P3H2: variants seen among roughly 807,000 people sequenced by gnomAD.
P3H2 encodes the protein leprecan-like 1.
P3H2 carries 80 observed loss-of-function variants against 87.0 expected under a neutral mutation model. The observed-to-expected ratio is 0.92, with a 90% confidence interval of 0.77 to 1.11. The LOEUF is 1.11. Ranked by LOEUF, P3H2 falls within the 50% of genes least tolerant of loss-of-function variation. P3H2 has a pLI of 0.00. For missense variants in P3H2, 1,001 were observed against 923.9 expected (o/e 1.08, Z -1.08); for synonymous variants, 367 against 359.3 (o/e 1.02, Z -0.24).
chr3:189,969,166 T>C, intron 13 of P3H2: 1 of 651,158 alleles, frequency 1.5e-6, no homozygotes, highest in Non-Finnish European at 2.9e-6. Flanking sequence ...TAAGTCCCGG[T>C]CCACCAAAAC....
intron 3 of P3H2, among the ~76,000 whole-genome samples, 185 bp downstream of exon 3, chr3:189,993,909 T>C (rs1024302717): frequency 2.6e-5 from 4 of 152,096 alleles, no homozygotes; most frequent in Admixed American, 2.0e-4. Flanking sequence ...CTGAAAAAGT[T>C]TGGGAAGACA....
intron 1 of P3H2, among the ~76,000 whole-genome samples, chr3:190,085,568 ATTG>A: frequency 6.6e-6 from 1 of 152,296 alleles, no homozygotes; most frequent in East Asian, 1.9e-4. Context: ...ACTCTTTAAA[ATTG>A]TTGTTCCTAC....
At chr3:190,072,185 T>C (rs967065909) in intron 1 of P3H2, among the ~76,000 whole-genome samples, 2 of 151,986 alleles carry the variant, frequency 1.3e-5, no homozygotes, top group Admixed American at 6.6e-5. Flanking sequence ...GCCACCACGC[T>C]TGGCTAATTT....
rs1276962259 is a variant in P3H2 at position 189,993,743 on chromosome 3, A to G, written c.823+351T>C. On this transcript the variant is annotated intron_variant, in intron 3 of 14. Transcript: ENST00000319332. ...TTACCCAACCATTAAATACAATAAAATGGCTCTACGTACTTACGTGAGAAG... is the reference window on the plus strand; with the variant it reads ...TTACCCAACCATTAAATACAATAAAGTGGCTCTACGTACTTACGTGAGAAG... Among the ~76,000 whole-genome samples the G allele has an allele frequency of 2.6e-5, 4 of 152,210 alleles. No individual in the cohort carries two copies. In the East Asian group the frequency reaches 7.7e-4, roughly 29 times the overall value.
At chr3:190,037,697 A>T (rs1378025455) in intron 1 of P3H2, among the ~76,000 whole-genome samples, 2 of 152,356 alleles carry the variant, frequency 1.3e-5, no homozygotes, top group African/African-American at 4.8e-5. Flanking sequence ...ATATGGTAAG[A>T]CATTTTAATA....
chr3:190,120,466 G>C lies in P3H2; in HGVS notation c.266C>G (p.Ala89Gly), dbSNP rs772939460. The C allele has an allele frequency of 3.7e-4, 535 of 1,431,104 alleles. No individual in the cohort carries two copies. The highest frequency in any genetic ancestry group is 2.3e-3 in the Admixed American group (80 of 34,216). The allele number at this position is 1,431,104 out of a possible 1,614,324, so 88.7% of individuals were successfully genotyped here. A position where few individuals can be genotyped will look rare whatever the true frequency, so the allele number is the denominator to read the frequency against. Residue 89 changes from alanine to glycine, a missense_variant, in exon 1 of 15, where the codon GCG becomes GGG. Ala to Gly is a moderately conservative substitution (Grantham distance 60). Coordinates refer to ENST00000319332, the MANE Select transcript of P3H2 (RefSeq NM_018192.4). ...EIRTRCARHC[A>G]ARHPLPPPPP... ...CGGGGGCGGGAGCGGGTGGCGCGCC[G>C]CGCAGTGGCGGGCACAGCGCGTGCG...
At chr3:189,976,294 C>A (rs957525603) in intron 8 of P3H2, among the ~76,000 whole-genome samples, 1 of 152,150 alleles carries the variant, frequency 6.6e-6, no homozygotes, top group Non-Finnish European at 1.5e-5. Flanking sequence ...ATACCTGAGA[C>A]TGGGAAATTA....
intron 3 of P3H2, among the ~76,000 whole-genome samples, chr3:189,991,291 T>C (rs1723869988): frequency 6.6e-6 from 1 of 152,226 alleles, no homozygotes; most frequent in Non-Finnish European, 1.5e-5. Context: ...GGTAACTGGG[T>C]GTGTCACAAA....
intron 1 of P3H2, among the ~76,000 whole-genome samples, chr3:190,052,794 T>C (rs938580207): frequency 6.6e-5 from 10 of 152,024 alleles, no homozygotes; most frequent in African/African-American, 2.4e-4. Context: ...TAAAAGAATA[T>C]AATTTGATGA....
At chr3:190,022,889 C>T (rs13323794) in intron 1 of P3H2, among the ~76,000 whole-genome samples, 8,905 of 152,012 alleles carry the variant, frequency 0.059, 802 homozygotes, top group African/African-American at 0.19. Context: ...TGCAGTGGCG[C>T]GATCTCGGCT....
At chr3:190,079,793 T>C (rs1046301981) in intron 1 of P3H2, among the ~76,000 whole-genome samples, 6 of 152,202 alleles carry the variant, frequency 3.9e-5, no homozygotes, top group Non-Finnish European at 7.3e-5. Flanking sequence ...TCAAAGCAGA[T>C]AGAACTGACT....
intron 1 of P3H2, among the ~76,000 whole-genome samples, chr3:190,093,208 C>T (rs549887097): frequency 1.3e-3 from 191 of 152,338 alleles, no homozygotes; most frequent in African/African-American, 4.0e-3. Flanking sequence ...AGTGCGAATA[C>T]ATAGTAGACG....
At chr3:190,075,854 T>C (rs1339699113) in intron 1 of P3H2, among the ~76,000 whole-genome samples, 2 of 152,218 alleles carry the variant, frequency 1.3e-5, no homozygotes, top group Non-Finnish European at 2.9e-5. Flanking sequence ...GAGGACTCAC[T>C]ACAGGTTGTA....
chr3:190,061,284 G>A (rs552438474), intron 1 of P3H2, among the ~76,000 whole-genome samples: 57 of 152,034 alleles, frequency 3.7e-4, no homozygotes, highest in Non-Finnish European at 6.9e-4. Context: ...GGGAATTAAC[G>A]CCATAGGAAT....
At chr3:190,068,294 G>A (rs1229989313) in intron 1 of P3H2, among the ~76,000 whole-genome samples, 2 of 152,092 alleles carry the variant, frequency 1.3e-5, no homozygotes, top group Non-Finnish European at 2.9e-5. Context: ...CAATAGCTAA[G>A]TAACAAGTAC....
At position 190,088,460 on chromosome 3, in the gene P3H2, T is replaced by G. The variant is rs760198697; in HGVS notation, c.480+31792A>C. ...CCTGTGTTCCCTTTCACTACACTGA[T>G]GTATAAAGAAAACACATAGATCTCT... On this transcript the variant is annotated intron_variant, in intron 1 of 14. Coordinates refer to ENST00000319332, the MANE Select transcript of P3H2 (RefSeq NM_018192.4). 1.2e-3 allele frequency among the ~76,000 whole-genome samples: 180 copies of G among 149,178 alleles called. 3 individuals are homozygous for G. Among genetic ancestry groups the G allele is most frequent in the Non-Finnish European group, 2.6e-4 (18 of 67,996 alleles).
chr3:190,121,280 CCATGT>C (rs1173203843), upstream of P3H2, among the ~76,000 whole-genome samples: 2 of 151,690 alleles, frequency 1.3e-5, no homozygotes, highest in Admixed American at 6.6e-5. Flanking sequence ...ACCGTAGATG[CCATGT>C]GTACCTACGC....
At chr3:190,032,352 A>G (rs1174643482) in intron 1 of P3H2, among the ~76,000 whole-genome samples, 1 of 152,172 alleles carries the variant, frequency 6.6e-6, no homozygotes, top group Non-Finnish European at 1.5e-5. Context: ...GAGCCTGAAT[A>G]TTTTCCAAAT....
chr3:190,098,214 C>T (rs993855254), intron 1 of P3H2, among the ~76,000 whole-genome samples: 3 of 152,038 alleles, frequency 2.0e-5, no homozygotes, highest in Non-Finnish European at 2.9e-5. Context: ...TTATTGCATA[C>T]GTGTTCCATA....
Sources: gnomAD v4.1 joint callset for allele counts (sites outside exome capture counted in the v4.1 genomes callset) on GRCh38, gnomAD v4.1.1 for gene constraint, MANE v1.5 for transcripts, NCBI Gene and HGNC (gene_info 2026-07-23, HGNC 2026-07-21) for gene names.